Variants in TRAPPC9 observed in about 807,000 individuals in gnomAD.
TRAPPC9 encodes trafficking protein particle complex subunit 9.
TRAPPC9 carries 83 observed loss-of-function variants against 124.0 expected under a neutral mutation model. The ratio of observed to expected loss-of-function variants is 0.67; its 90% CI spans 0.56 to 0.80. TRAPPC9 has a LOEUF of 0.80. Ranked by LOEUF, TRAPPC9 falls within the 30% of genes least tolerant of loss-of-function variation. The probability of loss-of-function intolerance (pLI) is 0.00; values close to 1 mark genes in which losing one functional copy is unlikely to be tolerated. For synonymous variants in TRAPPC9, 638 were observed against 617.5 expected (o/e 1.03, Z -0.49); for missense variants, 1,302 against 1,508.3 (o/e 0.86, Z 2.27).
intron 22 of TRAPPC9, among the ~76,000 whole-genome samples, chr8:139,731,598 G>A (rs1230013796): frequency 1.3e-5 from 2 of 152,098 alleles, no homozygotes; most frequent in Admixed American, 6.5e-5. Flanking sequence ...TGGGAGGTGG[G>A]GGCTGAGGGC....
At chr8:140,186,897 A>G (rs530968500) in intron 17 of TRAPPC9, among the ~76,000 whole-genome samples, 76 of 152,222 alleles carry the variant, frequency 5.0e-4, no homozygotes, top group Non-Finnish European at 3.1e-4. Flanking sequence ...CAAGCAAATC[A>G]ATAAATCTAT....
chr8:140,094,386 G>A (rs998914315), intron 17 of TRAPPC9, among the ~76,000 whole-genome samples: 1 of 152,158 alleles, frequency 6.6e-6, no homozygotes, highest in Non-Finnish European at 1.5e-5. Flanking sequence ...CGCAGATCGG[G>A]CTGGCTCCGA....
chr8:140,214,427 T>G (rs1010684454), intron 17 of TRAPPC9, among the ~76,000 whole-genome samples: 1 of 152,214 alleles, frequency 6.6e-6, no homozygotes, highest in African/African-American at 2.4e-5. Flanking sequence ...AGTCCAGAGC[T>G]GCTCTTGTTG....
At chr8:139,811,067 T>C (rs1288043755) in intron 21 of TRAPPC9, among the ~76,000 whole-genome samples, 2 of 152,060 alleles carry the variant, frequency 1.3e-5, no homozygotes, top group African/African-American at 4.8e-5. Flanking sequence ...GCAGAAACAA[T>C]TCACAGAACA....
At position 140,370,097 on chromosome 8, in the gene TRAPPC9, G is replaced by A. The variant is rs188818881; in HGVS notation, c.1351+867C>T. On this transcript the variant is annotated intron_variant, in intron 8 of 22. Coordinates refer to ENST00000438773, the MANE Select transcript of TRAPPC9 (RefSeq NM_001160372.4). Reference sequence around the variant, plus strand: ...GGCTTGAACTAAAGAAAAAGTGTATGTTTCCTATCTAAAAGTAACCCCTCA... The same window carrying A: ...GGCTTGAACTAAAGAAAAAGTGTATATTTCCTATCTAAAAGTAACCCCTCA... Among the ~76,000 whole-genome samples, 932 of 150,938 alleles carry A rather than the reference G, an allele frequency of 6.2e-3. 8 individuals carry two copies. The highest frequency in any genetic ancestry group is 6.9e-3 in the Non-Finnish European group (468 of 67,926).
At position 139,916,119 on chromosome 8, in the gene TRAPPC9, G is replaced by A. The variant is rs143554063; in HGVS notation, c.2811-5819C>T. ...CTATAAAACACACAATCAAACTATG[G>A]CTCTTCTGGGAGGCTTGTCCCACTA... is the stretch of plus-strand genomic sequence containing the variant. On this transcript the variant is annotated intron_variant, in intron 19 of 22. Coordinates refer to ENST00000438773, the MANE Select transcript of TRAPPC9 (RefSeq NM_001160372.4). Among the ~76,000 whole-genome samples, 538 of 152,238 alleles carry A rather than the reference G, an allele frequency of 3.5e-3. 1 individual carries two copies. Among genetic ancestry groups the A allele is most frequent in the Non-Finnish European group, 6.2e-3 (419 of 68,018 alleles).
chr8:139,843,246 C>T (rs1826855785), intron 21 of TRAPPC9, among the ~76,000 whole-genome samples: 1 of 152,230 alleles, frequency 6.6e-6, no homozygotes, highest in Non-Finnish European at 1.5e-5. Flanking sequence ...GTTTTATGCA[C>T]AGATAAACTG....
chr8:140,075,755 C>G (rs1843471853), intron 17 of TRAPPC9, among the ~76,000 whole-genome samples: 1 of 152,216 alleles, frequency 6.6e-6, no homozygotes, highest in Non-Finnish European at 1.5e-5. Context: ...GTAGAGGCAT[C>G]CGACACATTG....
At chr8:140,160,753 C>A (rs977186227) in intron 17 of TRAPPC9, among the ~76,000 whole-genome samples, 1 of 151,792 alleles carries the variant, frequency 6.6e-6, no homozygotes, top group Non-Finnish European at 1.5e-5. Flanking sequence ...ATGTAAGAAA[C>A]CTGCACGTTG....
intron 17 of TRAPPC9, among the ~76,000 whole-genome samples, chr8:140,043,372 AT>A (rs758725845): frequency 2.6e-5 from 4 of 152,232 alleles, no homozygotes; most frequent in East Asian, 1.9e-4. Context: ...AAAAAAGCCC[AT>A]TATTCCCATT....
chr8:140,271,258 G>C (rs2131610010), intron 15 of TRAPPC9, among the ~76,000 whole-genome samples: 2 of 152,288 alleles, frequency 1.3e-5, no homozygotes, highest in South Asian at 4.1e-4. Context: ...GGGTGGGTAG[G>C]AAAGCATGAA....
intron 21 of TRAPPC9, among the ~76,000 whole-genome samples, chr8:139,860,728 C>T (rs998785952): frequency 1.5e-4 from 23 of 152,360 alleles, no homozygotes; most frequent in East Asian, 9.7e-4. Context: ...CGAGTAAATC[C>T]CTCACTAAGC....
chr8:140,342,337 A>G (rs1366158776), intron 9 of TRAPPC9, among the ~76,000 whole-genome samples: 1 of 152,214 alleles, frequency 6.6e-6, no homozygotes, highest in Non-Finnish European at 1.5e-5. Context: ...ATCCACTAAT[A>G]TATTTGGGAT....
intron 21 of TRAPPC9, among the ~76,000 whole-genome samples, chr8:139,854,158 G>A (rs965815053): frequency 2.0e-5 from 3 of 152,162 alleles, no homozygotes; most frequent in African/African-American, 7.2e-5. Context: ...GACCCTGGGA[G>A]GGATTTGCGA....
chr8:140,268,615 T>C (rs1482998160), intron 15 of TRAPPC9, among the ~76,000 whole-genome samples: 1 of 152,136 alleles, frequency 6.6e-6, no homozygotes, highest in African/African-American at 2.4e-5. Context: ...TTATGCCGGC[T>C]CCTCGTGCAG....
At chr8:139,964,248 G>A (rs549997053) in intron 19 of TRAPPC9, among the ~76,000 whole-genome samples, 9 of 141,490 alleles carry the variant, frequency 6.4e-5, no homozygotes, top group African/African-American at 1.1e-4. Flanking sequence ...AAAAAAAAGC[G>A]GGGGAGCACC....
chr8:139,886,885 A>G (rs1334949986), intron 20 of TRAPPC9, among the ~76,000 whole-genome samples: 116 of 152,218 alleles, frequency 7.6e-4, no homozygotes, highest in Non-Finnish European at 2.2e-4. Flanking sequence ...CCCCAGGGAC[A>G]GTCCTATGGG....
chr8:140,410,601 C>T lies in TRAPPC9; in HGVS notation c.887-4903G>A, dbSNP rs183136944. On this transcript the variant is annotated intron_variant, in intron 5 of 22. Transcript: ENST00000438773. ...GCTCACGCCTGTAATCCCAGCACTT[C>T]GGAAGGCCGAGGCGGGCGGACCACA... is the stretch of plus-strand genomic sequence containing the variant. 8.1e-4 allele frequency among the ~76,000 whole-genome samples: 123 copies of T among 152,198 alleles called. No homozygotes were observed. In the Middle Eastern group the frequency reaches 0.028, roughly 34 times the overall value.
intron 19 of TRAPPC9, among the ~76,000 whole-genome samples, chr8:139,940,958 C>T (rs990870126): frequency 3.3e-5 from 5 of 152,190 alleles, no homozygotes; most frequent in African/African-American, 9.7e-5. Context: ...GTGCATAAGC[C>T]GGGCACCCAC....
Sources: gnomAD v4.1 joint callset for allele counts (sites outside exome capture counted in the v4.1 genomes callset) on GRCh38, gnomAD v4.1.1 for gene constraint, MANE v1.5 for transcripts, NCBI Gene and HGNC (gene_info 2026-07-23, HGNC 2026-07-21) for gene names.